The following DEPDC5 variants were observed in gnomAD, a reference collection of about 807,000 sequenced individuals.
DEPDC5 encodes DEP domain containing 5, GATOR1 subcomplex subunit, also known as GATOR1 complex protein DEPDC5.
DEPDC5 carries 73 observed loss-of-function variants against 217.3 expected under a neutral mutation model. The observed-to-expected ratio is 0.34, with a 90% confidence interval of 0.28 to 0.41. DEPDC5 has a LOEUF of 0.41. Among genes scored for constraint, DEPDC5 ranks in the 10% least tolerant of loss-of-function variants. DEPDC5 has a pLI of 1.00. For synonymous variants in DEPDC5, 733 were observed against 756.7 expected (o/e 0.97, Z 0.51); for missense variants, 1,675 against 2,070.1 (o/e 0.81, Z 3.70).
At chr22:31,840,650 T>C (rs2091335760) in intron 27 of DEPDC5, among the ~76,000 whole-genome samples, 1 of 152,234 alleles carries the variant, frequency 6.6e-6, no homozygotes, top group Admixed American at 6.5e-5. Flanking sequence ...AGAGGCTGCT[T>C]GCCTGACTGT....
chr22:31,905,855 C>A, intron 41 of DEPDC5, 129 bp from the exon 42 acceptor site: 1 of 797,936 alleles, frequency 1.3e-6, no homozygotes, highest in South Asian at 1.8e-5. Flanking sequence ...CCTGCATGTG[C>A]AATCTGGAAA....
chr22:31,755,052 C>G, intron 2 of DEPDC5, 73 bp downstream of exon 2: 1 of 1,551,498 alleles, frequency 6.4e-7, no homozygotes, highest in Non-Finnish European at 8.9e-7. Context: ...CTAGAAATTA[C>G]ACACTGACTC....
At chr22:31,891,344 T>A (rs1327610284) in intron 38 of DEPDC5, 1 of 341,746 alleles carries the variant, frequency 2.9e-6, no homozygotes, top group Non-Finnish European at 5.7e-6. Context: ...TTCAGCCACA[T>A]TCAATTAATT....
chr22:31,808,258 A>ATTT (rs961201691), intron 18 of DEPDC5, among the ~76,000 whole-genome samples: 1 of 133,130 alleles, frequency 7.5e-6, no homozygotes. Flanking sequence ...ACCATGCCTA[A>ATTT]TTTTTTTTTT....
intron 10 of DEPDC5, among the ~76,000 whole-genome samples, chr22:31,789,540 C>T (rs973769575): frequency 6.6e-6 from 1 of 152,064 alleles, no homozygotes; most frequent in African/African-American, 2.4e-5. Context: ...TGTTTTGGAT[C>T]CAAATAATGG....
intron 16 of DEPDC5, among the ~76,000 whole-genome samples, chr22:31,804,639 C>T (rs1412192419): frequency 3.3e-5 from 5 of 152,198 alleles, no homozygotes; most frequent in African/African-American, 1.2e-4. Context: ...GGGGTTTCAC[C>T]ATGTTGGCCA....
chr22:31,764,839 G>A (rs1601632797), intron 4 of DEPDC5, 136 bp from the exon 5 acceptor site: 1 of 605,418 alleles, frequency 1.7e-6, no homozygotes, highest in Non-Finnish European at 2.9e-6. Flanking sequence ...CTAAGCTCCT[G>A]AAAGGAAGAG....
At chr22:31,820,396 G>A (rs74555131) in intron 22 of DEPDC5, among the ~76,000 whole-genome samples, 1,652 of 152,298 alleles carry the variant, frequency 0.011, 14 homozygotes, top group Non-Finnish European at 0.017. Flanking sequence ...ACAGGCGTGA[G>A]TCACCGTGCC....
At chr22:31,764,910 A>G in intron 4 of DEPDC5, 65 bp from the exon 5 acceptor site, 1 of 1,242,032 alleles carries the variant, frequency 8.1e-7, no homozygotes, top group Non-Finnish European at 1.2e-6. Context: ...GTGTTTATAG[A>G]TTAGAATATA....
At chr22:31,828,452 C>CAAAAAA (rs35489633) in intron 24 of DEPDC5, among the ~76,000 whole-genome samples, 8 of 73,194 alleles carry the variant, frequency 1.1e-4, no homozygotes, top group Non-Finnish European at 1.8e-4. Flanking sequence ...AACTCCGTCT[C>CAAAAAA]AAAAAAAAAA....
chr22:31,806,319 G>T, intron 18 of DEPDC5, 128 bp downstream of exon 18: 1 of 738,602 alleles, frequency 1.4e-6, no homozygotes, highest in South Asian at 2.0e-5. Flanking sequence ...GAGCCATTCT[G>T]CCCAGCCAAG....
chr22:31,755,955 C>T (rs1242543710), intron 2 of DEPDC5, among the ~76,000 whole-genome samples: 1 of 151,788 alleles, frequency 6.6e-6, no homozygotes, highest in South Asian at 2.1e-4. Context: ...TCACTGCAAC[C>T]TCCACCTCCC....
intron 31 of DEPDC5, among the ~76,000 whole-genome samples, chr22:31,849,628 A>G (rs2091918712): frequency 1.3e-5 from 2 of 152,052 alleles, no homozygotes; most frequent in African/African-American, 4.8e-5. Context: ...TAATAATACA[A>G]AAATTAGCCG....
chr22:31,858,967 C>T (rs973473581), intron 32 of DEPDC5: 2 of 151,518 alleles, frequency 1.3e-5, no homozygotes, highest in African/African-American at 2.4e-5. Flanking sequence ...GTAAACCAAA[C>T]GTTGGCAAAC....
intron 40 of DEPDC5, among the ~76,000 whole-genome samples, chr22:31,899,076 A>C (rs2093603647): frequency 6.6e-6 from 1 of 152,230 alleles, no homozygotes; most frequent in African/African-American, 2.4e-5. Flanking sequence ...CCTTTGCTAT[A>C]ACAGCACAGG....
chr22:31,833,998 A>T lies in DEPDC5; in HGVS notation c.2170+18A>T. 1 of 1,612,854 alleles carries T rather than the reference A, an allele frequency of 6.2e-7. No individual in the cohort carries two copies. The highest frequency in any genetic ancestry group is 1.1e-5 in the South Asian group (1 of 91,062). On this transcript the variant is annotated intron_variant, in intron 25 of 42. Coordinates refer to ENST00000651528, the MANE Select transcript of DEPDC5 (RefSeq NM_001242896.3). ...AGACCCAAGTAAGAGGGGGCAGCTG[A>T]CTGGGGAAAGGGGTAGACAGGGAGT...
chr22:31,833,663 G>C (rs5994434), intron 24 of DEPDC5, among the ~76,000 whole-genome samples: 1 of 152,050 alleles, frequency 6.6e-6, no homozygotes, highest in African/African-American at 2.4e-5. Context: ...CAGGTTGCTC[G>C]TGTTTGTGTG....
At chr22:31,786,227 G>T (rs1368684908) in intron 10 of DEPDC5, among the ~76,000 whole-genome samples, 1 of 149,318 alleles carries the variant, frequency 6.7e-6, no homozygotes, top group African/African-American at 2.5e-5. Flanking sequence ...CCGTACTCCA[G>T]CCTGGGCAAC....
chr22:31,788,396 C>T (rs891849118), intron 10 of DEPDC5, among the ~76,000 whole-genome samples: 1 of 150,772 alleles, frequency 6.6e-6, no homozygotes, highest in Non-Finnish European at 1.5e-5. Flanking sequence ...TCCTCAGCCT[C>T]CTATAGTAGC....
Sources: allele counts gnomAD v4.1 joint callset (sites outside exome capture counted in the v4.1 genomes callset), GRCh38; gene constraint gnomAD v4.1.1; transcripts MANE v1.5; gene names NCBI Gene and HGNC (gene_info 2026-07-23, HGNC 2026-07-21).